CDH4: variants seen among roughly 807,000 people sequenced by gnomAD.
CDH4 encodes cadherin 4.
In CDH4, 33 loss-of-function variants were observed where a neutral mutation model predicts 86.0. That is an observed-to-expected ratio of 0.38 (90% CI 0.29 to 0.51). The LOEUF is 0.51. Ranked by LOEUF, CDH4 falls within the 20% of genes least tolerant of loss-of-function variation. CDH4 has a pLI of 0.86. For missense variants in CDH4, 1,114 were observed against 1,307.4 expected (o/e 0.85, Z 2.28); for synonymous variants, 555 against 549.4 (o/e 1.01, Z -0.14).
At chr20:61,805,688 G>C (rs529784357) in intron 4 of CDH4, among the ~76,000 whole-genome samples, 1 of 152,168 alleles carries the variant, frequency 6.6e-6, no homozygotes, top group East Asian at 1.9e-4. Flanking sequence ...AAACTCCCAC[G>C]AGGCCAGGGC....
intron 2 of CDH4, among the ~76,000 whole-genome samples, chr20:61,514,360 C>T (rs970207516): frequency 8.6e-6 from 1 of 116,192 alleles, no homozygotes; most frequent in Non-Finnish European, 1.6e-5. Flanking sequence ...CAGTGGTTGG[C>T]ATTTTCTGTC....
chr20:61,757,787 C>T (rs1272294510), intron 3 of CDH4, among the ~76,000 whole-genome samples: 2 of 152,188 alleles, frequency 1.3e-5, no homozygotes, highest in Non-Finnish European at 1.5e-5. Context: ...TCACGTGAGC[C>T]GTGGAGGGAG....
At chr20:61,776,615 G>T (rs2088845768) in intron 4 of CDH4, among the ~76,000 whole-genome samples, 1 of 152,214 alleles carries the variant, frequency 6.6e-6, no homozygotes, top group South Asian at 2.1e-4. Flanking sequence ...GTGAGCGGAA[G>T]GAGGCAGTGA....
At chr20:61,768,124 G>A (rs2088722140) in intron 3 of CDH4, among the ~76,000 whole-genome samples, 2 of 152,208 alleles carry the variant, frequency 1.3e-5, no homozygotes, top group African/African-American at 2.4e-5. Flanking sequence ...AGGATGCGGG[G>A]AGTGGGTACG....
chr20:61,884,348 G>A (rs148646714), intron 7 of CDH4, among the ~76,000 whole-genome samples: 30 of 152,342 alleles, frequency 2.0e-4, no homozygotes, highest in African/African-American at 4.6e-4. Context: ...GCAGCAACCC[G>A]GACAGCTAAG....
intron 2 of CDH4, among the ~76,000 whole-genome samples, chr20:61,427,709 C>T (rs892872371): frequency 6.6e-6 from 1 of 151,994 alleles, no homozygotes; most frequent in Admixed American, 6.6e-5. Context: ...CCCCCAATTT[C>T]GTGACAGGCA....
intron 3 of CDH4, among the ~76,000 whole-genome samples, chr20:61,746,243 C>A (rs1178506058): frequency 5.3e-5 from 8 of 152,234 alleles, no homozygotes; most frequent in Non-Finnish European, 1.0e-4. Flanking sequence ...AGGACCCTGT[C>A]CCATGGGGGC....
At chr20:61,444,319 A>C (rs2085331958) in intron 2 of CDH4, among the ~76,000 whole-genome samples, 1 of 1,034 alleles carries the variant, frequency 9.7e-4, no homozygotes, top group Non-Finnish European at 2.4e-3. Flanking sequence ...ATTTTTGTGT[A>C]TCTGCACGTG....
intron 2 of CDH4, among the ~76,000 whole-genome samples, chr20:61,670,828 G>T (rs1453410183): frequency 1.3e-5 from 2 of 152,176 alleles, no homozygotes; most frequent in Non-Finnish European, 2.9e-5. Context: ...AGAAAGGAAG[G>T]AAGGGGCTGG....
intron 2 of CDH4, among the ~76,000 whole-genome samples, chr20:61,619,961 T>C (rs1167807486): frequency 6.6e-6 from 1 of 152,188 alleles, no homozygotes; most frequent in Non-Finnish European, 1.5e-5. Flanking sequence ...TGACGCTTGT[T>C]CTGCTTCTGT....
intron 14 of CDH4, 151 bp downstream of exon 14, chr20:61,933,275 C>T (rs1165367921): frequency 1.0e-6 from 1 of 957,472 alleles, no homozygotes; most frequent in South Asian, 1.6e-5. Flanking sequence ...GTTTCCTAGC[C>T]TGGGCTGAGC....
chr20:61,339,212 G>C (rs535426911), intron 2 of CDH4, among the ~76,000 whole-genome samples: 2 of 152,166 alleles, frequency 1.3e-5, no homozygotes, highest in African/African-American at 4.8e-5. Context: ...TGGAATGAAA[G>C]CATGAACATG....
chr20:61,285,429 C>T (rs762848627), intron 2 of CDH4, among the ~76,000 whole-genome samples: 6 of 152,148 alleles, frequency 3.9e-5, no homozygotes, highest in Non-Finnish European at 7.3e-5. Context: ...GGGTCCGAGG[C>T]CGTGGCGCAT....
At chr20:61,557,047 C>G (rs947169581) in intron 2 of CDH4, among the ~76,000 whole-genome samples, 16 of 152,200 alleles carry the variant, frequency 1.1e-4, no homozygotes, top group Non-Finnish European at 1.8e-4. Context: ...GGAGAGAATG[C>G]TTTTCAGTTT....
Position 61,754,399 on chromosome 20 carries a change from G to C in CDH4, c.396+10610G>C, listed in dbSNP as rs1049728604. 2.1e-4 allele frequency among the ~76,000 whole-genome samples: 32 copies of C among 152,070 alleles called. No homozygotes were observed. Among genetic ancestry groups the C allele is most frequent in the African/African-American group, 7.2e-4 (30 of 41,394 alleles). ...CTTGATGCAGCCACTCTTCCCTCCA[G>C]GGCTGTTGAGGACAAGTCCCCGCCC... On this transcript the variant is annotated intron_variant, in intron 3 of 15. Transcript: ENST00000614565. The surrounding 1 kb of genome is among the most constrained non-coding windows in gnomAD (Gnocchi z 4.7).
At chr20:61,835,293 GGCCTCAA>G (rs1981817920) in intron 4 of CDH4, among the ~76,000 whole-genome samples, 1 of 152,170 alleles carries the variant, frequency 6.6e-6, no homozygotes, top group Admixed American at 6.5e-5. Flanking sequence ...TTGAACTCCT[GGCCTCAA>G]GCAGTCTTCC....
At chr20:61,662,757 G>A (rs2087273887) in intron 2 of CDH4, among the ~76,000 whole-genome samples, 1 of 152,152 alleles carries the variant, frequency 6.6e-6, no homozygotes, top group Non-Finnish European at 1.5e-5. Context: ...AGCAAGACTC[G>A]GGATGGCGAG....
chr20:61,399,616 G>A (rs551526692), intron 2 of CDH4, among the ~76,000 whole-genome samples: 3 of 152,144 alleles, frequency 2.0e-5, no homozygotes, highest in South Asian at 2.1e-4. Flanking sequence ...GGTCCTATCC[G>A]GTTGGTCTAT....
chr20:61,839,207 G>C (rs566848588), intron 4 of CDH4, among the ~76,000 whole-genome samples: 36 of 152,338 alleles, frequency 2.4e-4, no homozygotes, highest in Middle Eastern at 6.8e-3. Flanking sequence ...AGGGAGGCTT[G>C]ATGAGTGGCA....
Sources: allele counts gnomAD v4.1 joint callset (sites outside exome capture counted in the v4.1 genomes callset), GRCh38; gene constraint gnomAD v4.1.1; non-coding constraint Gnocchi (gnomAD v3.1); transcripts MANE v1.5; gene names NCBI Gene and HGNC (gene_info 2026-07-23, HGNC 2026-07-21).